UBE2D3: variants seen among roughly 807,000 people sequenced by gnomAD.
UBE2D3 encodes ubiquitin-conjugating enzyme E2 D3.
Under a neutral mutation model 22.8 loss-of-function variants are expected in UBE2D3, and 2 were observed. The observed-to-expected ratio is 0.09, with a 90% CI of 0.04 to 0.28. UBE2D3 has a LOEUF of 0.28. Ranked by LOEUF, UBE2D3 falls within the 10% of genes least tolerant of loss-of-function variation. The pLI is 1.00. For missense variants in UBE2D3, 27 were observed against 182.5 expected (o/e 0.15, Z 4.91); for synonymous variants, 56 against 60.4 (o/e 0.93, Z 0.34).
chr4:102,839,524 C>T (rs1172795585), intron 1 of UBE2D3, among the ~76,000 whole-genome samples: 2 of 152,190 alleles, frequency 1.3e-5, no homozygotes. Flanking sequence ...CTGCCCGCCT[C>T]GGCTTCCCAA....
rs572126128 is a variant in UBE2D3, at chr4:102,814,492, G to C, written c.25-4637C>G. Among the ~76,000 whole-genome samples the C allele has an allele frequency of 2.1e-5, 3 of 142,056 alleles. No individual in the cohort carries two copies. The East Asian group carries it at 6.1e-4, about 29-fold the overall frequency. 93.2% of individuals were successfully genotyped at this position (142,056 alleles called of 152,430 possible). A position where few individuals can be genotyped will look rare whatever the true frequency, so the allele number is the denominator to read the frequency against. Reference sequence around the variant, plus strand: ...TTTTTTTTTTTGTAGTTTTACTAGAGATGGGGTTTCACCATGGCCAGGCTG... The same window carrying C: ...TTTTTTTTTTTGTAGTTTTACTAGACATGGGGTTTCACCATGGCCAGGCTG... On this transcript the variant is annotated intron_variant, in intron 2 of 7. Transcript: ENST00000453744.
chr4:102,804,585 T>C (rs764863814), intron 4 of UBE2D3, among the ~76,000 whole-genome samples: 2 of 152,206 alleles, frequency 1.3e-5, no homozygotes, highest in Non-Finnish European at 2.9e-5. Context: ...ATGCTTCAAA[T>C]AGCATATACT....
intron 1 of UBE2D3, chr4:102,826,958 C>T (rs1730616837): frequency 3.0e-6 from 3 of 1,001,312 alleles, no homozygotes; most frequent in Non-Finnish European, 3.6e-6. Flanking sequence ...GGCGCTATAC[C>T]GGCGTCACTA....
chr4:102,834,306 C>T (rs1474239873), intron 1 of UBE2D3, among the ~76,000 whole-genome samples: 1 of 152,124 alleles, frequency 6.6e-6, no homozygotes, highest in African/African-American at 2.4e-5. Context: ...GCAAGTATGA[C>T]TTTAGTGTTT....
Position 102,863,556 on chromosome 4 carries a change from C to T in UBE2D3, c.-129+5159G>A, listed in dbSNP as rs1436782451. Among the ~76,000 whole-genome samples the T allele has an allele frequency of 2.0e-5, 3 of 152,128 alleles. No homozygotes were observed. In the East Asian group the frequency reaches 5.8e-4, roughly 29 times the overall value. ...GTGACCCAGGCTGGTTGCAGTGGTA[C>T]AATCTCAGCTCACTGCAACCTCCAT... On this transcript the variant is annotated intron_variant, in intron 1 of 7. Coordinates refer to the UBE2D3 transcript ENST00000338145.
Position 102,860,425 on chromosome 4 carries a change from G to A in UBE2D3, c.-129+8290C>T, listed in dbSNP as rs111665603. 1.8e-3 allele frequency among the ~76,000 whole-genome samples: 273 copies of A among 150,622 alleles called. 3 individuals are homozygous for A. The highest frequency in any genetic ancestry group is 6.4e-3 in the African/African-American group (264 of 41,236). ...TCCTGGTGTGTGTGTGTGTGTGTAT[G>A]TGTGTGTGTGTGTGTTCTTTTAAGC... On this transcript the variant is annotated intron_variant, in intron 1 of 7. Coordinates refer to the UBE2D3 transcript ENST00000338145.
chr4:102,809,725 T>C (rs1438453196), intron 3 of UBE2D3, 22 bp from the exon 4 acceptor site: 13 of 1,612,646 alleles, frequency 8.1e-6, no homozygotes, highest in Non-Finnish European at 1.1e-5. Flanking sequence ...AAAAAAACTC[T>C]GGTTATCTAA....
intron 1 of UBE2D3, among the ~76,000 whole-genome samples, chr4:102,858,112 T>C (rs1231541332): frequency 1.3e-5 from 2 of 152,048 alleles, no homozygotes; most frequent in Non-Finnish European, 2.9e-5. Context: ...GTCTGCTCTA[T>C]AGGATCTTGC....
At position 102,801,764 on chromosome 4, in the gene UBE2D3, T is replaced by C. The variant is rs1726186777; in HGVS notation, c.199-205A>G. 6.9e-6 allele frequency: 3 copies of C among 437,568 alleles called. No homozygotes were observed. The South Asian group carries it at 9.8e-5, about 14-fold the overall frequency. The allele number at this position is 437,568 out of a possible 1,614,324, so 27.1% of individuals were successfully genotyped here. The stretch of plus-strand genomic sequence containing the variant: ...AAACCTAAACTTTTGGATAAAAATT[T>C]CATTACTCATATGATGTAAAGTTCT... On this transcript the variant is annotated intron_variant, in intron 5 of 7. Transcript: ENST00000453744.
At chr4:102,849,192 A>AC (rs1732210631) in intron 1 of UBE2D3, among the ~76,000 whole-genome samples, 1 of 148,144 alleles carries the variant, frequency 6.8e-6, no homozygotes, top group South Asian at 2.2e-4. Context: ...ACATGGCAAA[A>AC]CCCCACTTCT....
intron 4 of UBE2D3, among the ~76,000 whole-genome samples, chr4:102,804,861 A>G (rs1726783067): frequency 6.6e-6 from 1 of 152,140 alleles, no homozygotes; most frequent in East Asian, 1.9e-4. Flanking sequence ...TCTTTTTAGT[A>G]GAGACGGAGT....
At chr4:102,826,786 T>G in intron 1 of UBE2D3, 150 bp from the exon 2 acceptor site, 5 of 1,265,448 alleles carry the variant, frequency 4.0e-6, no homozygotes, top group Non-Finnish European at 5.0e-6. Flanking sequence ...CGGCCCGAAG[T>G]GGGGGCGAGG....
rs912082533 is a variant in UBE2D3, at chr4:102,795,558, T to G, written c.*1857A>C. ...GAAAAAATTCACTCATTGGAAAAAC[T>G]GCGTAGCTGGTTTTTTCCCCAATGA... On this transcript the variant is annotated 3_prime_UTR_variant, in exon 8 of 8. Coordinates refer to ENST00000453744, the MANE Select transcript of UBE2D3 (RefSeq NM_181891.3). The G allele has an allele frequency of 9.2e-5, 14 of 152,076 alleles. No individual in the cohort carries two copies. The East Asian group carries it at 2.5e-3, about 27-fold the overall frequency. 9.4% of individuals were successfully genotyped at this position (152,076 alleles called of 1,614,324 possible).
intron 1 of UBE2D3, among the ~76,000 whole-genome samples, chr4:102,844,360 G>A (rs1250152194): frequency 6.6e-6 from 1 of 152,164 alleles, no homozygotes; most frequent in African/African-American, 2.4e-5. Flanking sequence ...TTACAGGCAT[G>A]AGCCACTGTG....
chr4:102,835,201 G>A (rs984653470), intron 1 of UBE2D3, among the ~76,000 whole-genome samples: 1 of 152,040 alleles, frequency 6.6e-6, no homozygotes, highest in Non-Finnish European at 1.5e-5. Context: ...AACCAACCAC[G>A]GATCCAAAAT....
At chr4:102,809,575 A>G (rs960592462) in intron 4 of UBE2D3, 97 bp downstream of exon 4, 26 of 1,226,886 alleles carry the variant, frequency 2.1e-5, no homozygotes, top group Non-Finnish European at 2.8e-5. Context: ...AGAATTAACT[A>G]TATGATAAAA....
chr4:102,865,299 C>T (rs1024572743), intron 1 of UBE2D3, among the ~76,000 whole-genome samples: 11 of 152,016 alleles, frequency 7.2e-5, no homozygotes, highest in African/African-American at 2.4e-5. Flanking sequence ...CAAGACCAGC[C>T]TGGCAAATAT....
upstream of UBE2D3, chr4:102,827,901 C>T (rs1039884514): frequency 1.8e-5 from 18 of 985,532 alleles, no homozygotes; most frequent in African/African-American, 3.0e-4. Flanking sequence ...GCTGCGCGAT[C>T]CAGCCCCACG....
chr4:102,827,971 G>C (rs1047607695), upstream of UBE2D3: 1 of 985,406 alleles, frequency 1.0e-6, no homozygotes, highest in African/African-American at 1.7e-5. Flanking sequence ...ACTCTCGCGA[G>C]AACTTCGTGG....
Sources: gnomAD v4.1 joint callset for allele counts (sites outside exome capture counted in the v4.1 genomes callset) on GRCh38, gnomAD v4.1.1 for gene constraint, MANE v1.5 for transcripts, NCBI Gene and HGNC (gene_info 2026-07-23, HGNC 2026-07-21) for gene names.